TMEM108: variants seen among roughly 807,000 people sequenced by gnomAD.
TMEM108 encodes transmembrane protein 108.
In TMEM108, 12 loss-of-function variants were observed where a neutral mutation model predicts 35.1. The observed-to-expected ratio is 0.34, with a 90% CI of 0.22 to 0.55. The LOEUF (loss-of-function observed/expected upper bound fraction) is 0.55, where lower values mean the gene tolerates loss of function less well. Ranked by LOEUF, TMEM108 falls within the 20% of genes least tolerant of loss-of-function variation. The pLI is 0.89. For synonymous variants in TMEM108, 287 were observed against 308.6 expected (o/e 0.93, Z 0.73); for missense variants, 680 against 753.3 (o/e 0.90, Z 1.14).
chr3:133,054,164 A>G (rs576107241), intron 2 of TMEM108, among the ~76,000 whole-genome samples: 1 of 152,318 alleles, frequency 6.6e-6, no homozygotes, highest in African/African-American at 2.4e-5. Flanking sequence ...AACTCTTGGA[A>G]TCAATATAAA....
chr3:133,211,146 T>C (rs1000162498), intron 2 of TMEM108, among the ~76,000 whole-genome samples: 1 of 152,172 alleles, frequency 6.6e-6, no homozygotes, highest in Non-Finnish European at 1.5e-5. Context: ...ATATTATGAA[T>C]AATTTCACAT....
At chr3:133,197,147 A>C (rs906584221) in intron 2 of TMEM108, among the ~76,000 whole-genome samples, 1 of 152,240 alleles carries the variant, frequency 6.6e-6, no homozygotes, top group Non-Finnish European at 1.5e-5. Flanking sequence ...ACTACTATGT[A>C]ACTGCAGTAT....
chr3:133,170,911 C>T (rs1266287690), intron 2 of TMEM108, among the ~76,000 whole-genome samples: 2 of 152,134 alleles, frequency 1.3e-5, no homozygotes, highest in African/African-American at 4.8e-5. Flanking sequence ...AATAGTTAAA[C>T]CCCGTATCAC....
At chr3:133,254,790 T>A (rs764553976) in intron 3 of TMEM108, among the ~76,000 whole-genome samples, 1 of 152,174 alleles carries the variant, frequency 6.6e-6, no homozygotes, top group Non-Finnish European at 1.5e-5. Flanking sequence ...TGTGGGTCAG[T>A]GACTTAGGAT....
intron 1 of TMEM108, among the ~76,000 whole-genome samples, chr3:133,043,712 A>G (rs1459794430): frequency 6.6e-6 from 1 of 151,762 alleles, no homozygotes; most frequent in African/African-American, 2.4e-5. Context: ...CTCATGTTCA[A>G]CTCTAGGCTC....
intron 3 of TMEM108, among the ~76,000 whole-genome samples, chr3:133,322,685 T>C (rs901204018): frequency 8.5e-5 from 13 of 152,118 alleles, no homozygotes; most frequent in Non-Finnish European, 2.9e-5. Context: ...AGTATCACCC[T>C]AATTCCAAAA....
intron 3 of TMEM108, among the ~76,000 whole-genome samples, chr3:133,248,960 A>G (rs1576410671): frequency 6.6e-6 from 1 of 152,118 alleles, no homozygotes; most frequent in East Asian, 1.9e-4. Context: ...AAAAGCTGCT[A>G]CCTTTGCGTG....
intron 2 of TMEM108, among the ~76,000 whole-genome samples, chr3:133,223,027 T>G (rs554179470): frequency 3.9e-5 from 6 of 152,250 alleles, no homozygotes; most frequent in African/African-American, 1.4e-4. Flanking sequence ...CTTGCCTTGT[T>G]GCCCAGGCTG....
intron 2 of TMEM108, among the ~76,000 whole-genome samples, chr3:133,144,109 C>T (rs1576342714): frequency 6.6e-6 from 1 of 151,940 alleles, no homozygotes; most frequent in African/African-American, 2.4e-5. Context: ...TCTCCTAATG[C>T]TGTCTCTCCC....
chr3:133,161,285 T>A (rs1944957746), intron 2 of TMEM108, among the ~76,000 whole-genome samples: 2 of 152,238 alleles, frequency 1.3e-5, no homozygotes, highest in Non-Finnish European at 2.9e-5. Flanking sequence ...GGCCTCTTCA[T>A]ACCATCAGCT....
intron 3 of TMEM108, among the ~76,000 whole-genome samples, chr3:133,376,756 C>A (rs939249910): frequency 1.6e-4 from 24 of 152,180 alleles, no homozygotes; most frequent in African/African-American, 5.3e-4. Context: ...TAATCTCAGA[C>A]CCCCACGGCT....
At chr3:133,106,629 A>G (rs1018748382) in intron 2 of TMEM108, among the ~76,000 whole-genome samples, 1 of 152,228 alleles carries the variant, frequency 6.6e-6, no homozygotes, top group African/African-American at 2.4e-5. Context: ...AGGCTAGGTT[A>G]TAACAGATAT....
intron 2 of TMEM108, among the ~76,000 whole-genome samples, chr3:133,200,308 A>C (rs1945644037): frequency 6.6e-6 from 1 of 152,184 alleles, no homozygotes; most frequent in African/African-American, 2.4e-5. Context: ...CAGTGAGATG[A>C]ACCCAGTATC....
At chr3:133,090,432 A>G (rs1362976754) in intron 2 of TMEM108, among the ~76,000 whole-genome samples, 1 of 152,256 alleles carries the variant, frequency 6.6e-6, no homozygotes, top group African/African-American at 2.4e-5. Flanking sequence ...GGGATTAAGT[A>G]ATAGGGGCGT....
chr3:133,108,226 A>G (rs766168736), intron 2 of TMEM108, among the ~76,000 whole-genome samples: 1 of 152,058 alleles, frequency 6.6e-6, no homozygotes, highest in African/African-American at 2.4e-5. Flanking sequence ...GTGACACTTC[A>G]TCTTAAAAAA....
At chr3:133,261,027 CT>C (rs1174968541) in intron 3 of TMEM108, among the ~76,000 whole-genome samples, 1 of 152,162 alleles carries the variant, frequency 6.6e-6, no homozygotes, top group African/African-American at 2.4e-5. Context: ...AGATAATGAG[CT>C]TTTTGTGACC....
intron 2 of TMEM108, among the ~76,000 whole-genome samples, chr3:133,081,958 T>C (rs1943816305): frequency 6.6e-6 from 1 of 152,222 alleles, no homozygotes; most frequent in Middle Eastern, 3.2e-3. Flanking sequence ...GGTTATTGGC[T>C]GGAGCTACCT....
chr3:133,201,229 C>A (rs1945660786), intron 2 of TMEM108, among the ~76,000 whole-genome samples: 1 of 152,024 alleles, frequency 6.6e-6, no homozygotes, highest in East Asian at 1.9e-4. Flanking sequence ...TAGACTCATC[C>A]CCACTCTGAT....
At chr3:133,343,947 A>G (rs755745923) in intron 3 of TMEM108, among the ~76,000 whole-genome samples, 78 of 151,888 alleles carry the variant, frequency 5.1e-4, no homozygotes, top group Admixed American at 2.0e-4. Flanking sequence ...ACTTATACAC[A>G]ACCTTTTTCC....
Sources: allele counts gnomAD v4.1 joint callset (sites outside exome capture counted in the v4.1 genomes callset), GRCh38; gene constraint gnomAD v4.1.1; transcripts MANE v1.5; gene names NCBI Gene and HGNC (gene_info 2026-07-23, HGNC 2026-07-21).